GPC6: variants seen among roughly 807,000 people sequenced by gnomAD.
The protein encoded by GPC6 is glypican 6, also known as glypican-6.
In GPC6, 14 loss-of-function variants were observed where a neutral mutation model predicts 55.2. That is an observed-to-expected ratio of 0.25 (90% CI 0.17 to 0.40). The LOEUF (loss-of-function observed/expected upper bound fraction) is 0.40. GPC6 is among the 10% of genes least tolerant of loss of function. The probability of loss-of-function intolerance (pLI) is 1.00; values close to 1 mark genes in which losing one functional copy is unlikely to be tolerated. For missense variants in GPC6, 641 were observed against 708.5 expected (o/e 0.90, Z 1.08); for synonymous variants, 278 against 259.6 (o/e 1.07, Z -0.68).
intron 3 of GPC6, among the ~76,000 whole-genome samples, chr13:93,914,466 A>G (rs1003724308): frequency 1.3e-5 from 2 of 152,184 alleles, no homozygotes; most frequent in Non-Finnish European, 2.9e-5. Context: ...GAAGAACAGA[A>G]ACGGCATTGC....
chr13:93,475,056 C>T (rs889622100), intron 1 of GPC6, among the ~76,000 whole-genome samples: 2 of 152,036 alleles, frequency 1.3e-5, no homozygotes, highest in African/African-American at 2.4e-5. Context: ...TGTGGCCAGA[C>T]GATTGATTCT....
chr13:94,369,369 G>C (rs1186881068), intron 6 of GPC6, among the ~76,000 whole-genome samples: 2 of 152,226 alleles, frequency 1.3e-5, no homozygotes, highest in Non-Finnish European at 2.9e-5. Context: ...GTCCAGGGTA[G>C]ATGGACTTGG....
At chr13:93,271,816 C>T (rs1483292970) in intron 1 of GPC6, among the ~76,000 whole-genome samples, 1 of 152,134 alleles carries the variant, frequency 6.6e-6, no homozygotes, top group Non-Finnish European at 1.5e-5. Context: ...AATAGTAATA[C>T]TTGGTAGACA....
At chr13:93,521,889 G>A (rs1417888341) in intron 1 of GPC6, among the ~76,000 whole-genome samples, 1 of 151,864 alleles carries the variant, frequency 6.6e-6, no homozygotes, top group Non-Finnish European at 1.5e-5. Context: ...CATATGCTAG[G>A]TTTTAGGTAT....
At chr13:94,221,377 A>C (rs954223249) in intron 4 of GPC6, among the ~76,000 whole-genome samples, 2 of 152,122 alleles carry the variant, frequency 1.3e-5, no homozygotes, top group South Asian at 2.1e-4. Context: ...AAACTGCCCT[A>C]ACTAAAATTA....
At chr13:93,592,008 G>T (rs1267392617) in intron 2 of GPC6, among the ~76,000 whole-genome samples, 1 of 152,032 alleles carries the variant, frequency 6.6e-6, no homozygotes, top group East Asian at 1.9e-4. Context: ...TTAAATATAA[G>T]GAAGCAGTAT....
chr13:93,523,419 TAC>T (rs1366654318), intron 1 of GPC6, among the ~76,000 whole-genome samples: 1 of 149,316 alleles, frequency 6.7e-6, no homozygotes, highest in East Asian at 2.0e-4. Flanking sequence ...ATATTATCCT[TAC>T]AGTTGGTGTA....
At chr13:93,343,148 A>T (rs1433482248) in intron 1 of GPC6, among the ~76,000 whole-genome samples, 1 of 142,252 alleles carries the variant, frequency 7.0e-6, no homozygotes, top group Non-Finnish European at 1.5e-5. Flanking sequence ...ACTGGCCAGC[A>T]TTTAACCTGA....
intron 6 of GPC6, among the ~76,000 whole-genome samples, chr13:94,372,615 A>G (rs1313045320): frequency 6.6e-6 from 1 of 152,066 alleles, no homozygotes; most frequent in East Asian, 1.9e-4. Flanking sequence ...ATCAAACTGC[A>G]AGGCGGCAGC....
intron 1 of GPC6, among the ~76,000 whole-genome samples, chr13:93,325,144 T>G (rs1879610696): frequency 6.6e-6 from 1 of 152,164 alleles, no homozygotes; most frequent in Non-Finnish European, 1.5e-5. Flanking sequence ...AAGAAGGTGT[T>G]TCAGACCTAA....
chr13:93,818,409 C>T (rs1182708658), intron 2 of GPC6: 1 of 152,148 alleles, frequency 6.6e-6, no homozygotes, highest in Non-Finnish European at 1.5e-5. Flanking sequence ...TTTTACAACT[C>T]AGCATTTCTC....
At chr13:93,968,217 C>T (rs992991498) in intron 3 of GPC6, among the ~76,000 whole-genome samples, 3 of 151,954 alleles carry the variant, frequency 2.0e-5, no homozygotes, top group African/African-American at 7.3e-5. Context: ...AGAGAGTGGG[C>T]CTTCAAGAGT....
chr13:93,825,216 G>C (rs1887188801), intron 2 of GPC6, among the ~76,000 whole-genome samples: 1 of 152,260 alleles, frequency 6.6e-6, no homozygotes, highest in Middle Eastern at 3.4e-3. Flanking sequence ...TTTTGGTTGT[G>C]ACTACTCAGA....
intron 1 of GPC6, among the ~76,000 whole-genome samples, chr13:93,377,959 A>T (rs1305045853): frequency 6.6e-6 from 1 of 152,204 alleles, no homozygotes; most frequent in East Asian, 1.9e-4. Flanking sequence ...TTCCTGTGGA[A>T]TAACATTTTC....
At chr13:93,291,503 T>G (rs1878319031) in intron 1 of GPC6, among the ~76,000 whole-genome samples, 1 of 152,162 alleles carries the variant, frequency 6.6e-6, no homozygotes, top group African/African-American at 2.4e-5. Flanking sequence ...CTTCGTTATG[T>G]ATTTCTTCTA....
chr13:93,605,387 T>C (rs917471495), intron 2 of GPC6, among the ~76,000 whole-genome samples: 2 of 152,206 alleles, frequency 1.3e-5, no homozygotes, highest in South Asian at 2.1e-4. Flanking sequence ...TGAATAGTTA[T>C]TGCACAAGGA....
Position 94,125,638 on chromosome 13 carries a change from G to C in GPC6, c.877+97744G>C, listed in dbSNP as rs557078686. Among the ~76,000 whole-genome samples the C allele has an allele frequency of 6.6e-5, 10 of 152,184 alleles. No homozygotes were observed. The East Asian group carries it at 1.9e-3, about 29-fold the overall frequency. The stretch of plus-strand genomic sequence containing the variant: ...AAACCACCCAGGAGAGACCTGCACT[G>C]CTGGCCCAGCCAGGCTGATTCTGAA... On this transcript the variant is annotated intron_variant, in intron 4 of 8. Coordinates refer to ENST00000377047, the MANE Select transcript of GPC6 (RefSeq NM_005708.5).
In GPC6 at chr13:94,176,652, C is replaced by T. The variant is rs117809846; in HGVS notation, c.878-109697C>T. ...GTTGTTCAGAATTCTATGTTCTGTG[C>T]TACACATTCTCTCTTTAGCTATGTA... On this transcript the variant is annotated intron_variant, in intron 4 of 8. Transcript: ENST00000377047. 3.3e-3 allele frequency among the ~76,000 whole-genome samples: 507 copies of T among 152,282 alleles called. 1 individual carries two copies. Among genetic ancestry groups the T allele is most frequent in the Admixed American group, 7.4e-3 (113 of 15,292 alleles).
chr13:93,865,503 G>T (rs1888936724), intron 3 of GPC6, among the ~76,000 whole-genome samples: 1 of 151,678 alleles, frequency 6.6e-6, no homozygotes, highest in African/African-American at 2.4e-5. Context: ...GGATCTGATG[G>T]AAGGATTTAG....
Sources: gnomAD v4.1 joint callset for allele counts (sites outside exome capture counted in the v4.1 genomes callset) on GRCh38, gnomAD v4.1.1 for gene constraint, MANE v1.5 for transcripts, NCBI Gene and HGNC (gene_info 2026-07-23, HGNC 2026-07-21) for gene names.